ZNF75D: variants seen among roughly 807,000 people sequenced by gnomAD.
ZNF75D encodes zinc finger protein 75D.
ZNF75D carries 33 observed loss-of-function variants against 33.3 expected under a neutral mutation model. The observed-to-expected ratio is 0.99, with a 90% CI of 0.75 to 1.32. ZNF75D has a LOEUF of 1.32. Ranked by LOEUF, ZNF75D falls within the 40% of genes most tolerant of loss-of-function variation. ZNF75D has a pLI of 0.00. For missense variants in ZNF75D, 338 were observed against 367.5 expected (o/e 0.92, Z 0.66); for synonymous variants, 113 against 130.6 (o/e 0.87, Z 0.92).
chrX:135,279,177 G>T (rs1556418093), intron 1 of ZNF75D, among the ~76,000 whole-genome samples: 3 of 111,849 alleles, frequency 2.7e-5, no homozygotes, highest in East Asian at 5.6e-4. Context: ...CTTGTTATTG[G>T]TCTATTCAGG....
At chrX:135,265,348 C>T (rs1371905384) in intron 1 of ZNF75D, among the ~76,000 whole-genome samples, 5 of 111,199 alleles carry the variant, frequency 4.5e-5, no homozygotes, top group Non-Finnish European at 5.7e-5. Flanking sequence ...CATCCAAGTA[C>T]AAGAAGGCTA....
intron 1 of ZNF75D, among the ~76,000 whole-genome samples, chrX:135,325,841 C>T (rs1305528029): frequency 3.5e-5 from 4 of 112,771 alleles, no homozygotes; most frequent in South Asian, 7.3e-4. Flanking sequence ...GGAGTGCGAG[C>T]GCATCGCGTG....
chrX:135,282,455 C>T (rs1556418674), downstream of ZNF75D, among the ~76,000 whole-genome samples: 1 of 111,461 alleles, frequency 9.0e-6, no homozygotes, highest in African/African-American at 3.3e-5. Flanking sequence ...ATGAGCTAGT[C>T]CACTTGGCTC....
intron 1 of ZNF75D, among the ~76,000 whole-genome samples, chrX:135,325,638 C>A (rs782233973): frequency 2.7e-5 from 3 of 112,604 alleles, no homozygotes; most frequent in African/African-American, 9.6e-5. Context: ...CCCAGCAGCG[C>A]CAGCCCACCG....
intron 1 of ZNF75D, among the ~76,000 whole-genome samples, chrX:135,270,856 C>A (rs1392913486): frequency 1.8e-5 from 2 of 111,965 alleles, no homozygotes; most frequent in Non-Finnish European, 3.8e-5. Context: ...GATAATGGAA[C>A]CGTGAATATG....
At chrX:135,262,281 T>C (rs782608394) in intron 1 of ZNF75D, among the ~76,000 whole-genome samples, 2 of 111,678 alleles carry the variant, frequency 1.8e-5, no homozygotes, top group South Asian at 3.8e-4. Context: ...TTGGGGTTGC[T>C]CTTCTCCTGG....
chrX:135,340,084 A>G (rs1556444202), intron 1 of ZNF75D, among the ~76,000 whole-genome samples: 1 of 112,577 alleles, frequency 8.9e-6, no homozygotes, highest in African/African-American at 3.2e-5. Context: ...CTAAAGCGTT[A>G]TTCTTTCTTT....
chrX:135,289,283 G>A (rs1297356205), intron 6 of ZNF75D, among the ~76,000 whole-genome samples: 4 of 112,213 alleles, frequency 3.6e-5, no homozygotes, highest in South Asian at 3.7e-4. Context: ...GGCTTCACCC[G>A]CTATTGCAGA....
At chrX:135,299,018 G>T (rs962497942) in intron 1 of ZNF75D, among the ~76,000 whole-genome samples, 1 of 111,469 alleles carries the variant, frequency 9.0e-6, no homozygotes, top group Admixed American at 9.5e-5. Flanking sequence ...ATGACATTTT[G>T]TTTATCCATT....
At chrX:135,277,174 G>A (rs1478790220) in intron 1 of ZNF75D, among the ~76,000 whole-genome samples, 4 of 111,720 alleles carry the variant, frequency 3.6e-5, no homozygotes, top group Non-Finnish European at 7.5e-5. Context: ...TCTTTTTAAT[G>A]GCTGCCATTC....
downstream of ZNF75D, among the ~76,000 whole-genome samples, chrX:135,283,993 C>T (rs2083930776): frequency 9.0e-6 from 1 of 111,712 alleles, no homozygotes; most frequent in South Asian, 3.8e-4. Flanking sequence ...GCCTGCTAAA[C>T]TCTGCTCTCC....
At chrX:135,317,672 G>A (rs1319727160) in intron 1 of ZNF75D, among the ~76,000 whole-genome samples, 2 of 110,568 alleles carry the variant, frequency 1.8e-5, no homozygotes, top group Non-Finnish European at 3.8e-5. Flanking sequence ...CAGCTGGGTG[G>A]GTAAGAACAA....
intron 1 of ZNF75D, among the ~76,000 whole-genome samples, chrX:135,312,590 TTG>T (rs1389830518): frequency 9.0e-6 from 1 of 111,425 alleles, no homozygotes; most frequent in Non-Finnish European, 1.9e-5. Flanking sequence ...TTCATTGTGT[TTG>T]TACTAATTTC....
rs1133827 is a variant in ZNF75D, at chrX:135,249,210, T to C, written n.1388A>G. Reference sequence around the variant, plus strand: ...CATCCACCTTCCTCCTGATGCTCCATGCAGATGTGCTGGGACCTACTTCAG... The same window carrying C: ...CATCCACCTTCCTCCTGATGCTCCACGCAGATGTGCTGGGACCTACTTCAG... On this transcript the variant is annotated non_coding_transcript_exon_variant, in exon 4 of 4. Transcript: ENST00000494295. 2,249 of 306,817 alleles carry C rather than the reference T, an allele frequency of 7.3e-3. 72 individuals are homozygous for C. The highest frequency in any genetic ancestry group is 0.018 in the South Asian group (642 of 35,510). The allele number at this position is 306,817 out of a possible 1,213,427, so 25.3% of individuals were successfully genotyped here.
intron 1 of ZNF75D, among the ~76,000 whole-genome samples, chrX:135,323,265 G>T (rs184092953): frequency 1.1e-4 from 12 of 111,997 alleles, no homozygotes; most frequent in Non-Finnish European, 1.7e-4. Flanking sequence ...GGCAATGATT[G>T]CTTTACTGGG....
intron 1 of ZNF75D, among the ~76,000 whole-genome samples, chrX:135,279,110 G>T (rs1026470043): frequency 9.0e-6 from 1 of 111,704 alleles, no homozygotes; most frequent in African/African-American, 3.2e-5. Context: ...CTGTGAATCT[G>T]TCTGGTCCTG....
At chrX:135,330,907 TA>T (rs1306645767) in intron 1 of ZNF75D, among the ~76,000 whole-genome samples, 4 of 111,448 alleles carry the variant, frequency 3.6e-5, no homozygotes, top group African/African-American at 1.3e-4. Context: ...TCTTCCACCA[TA>T]AATCTTTCTT....
intron 1 of ZNF75D, among the ~76,000 whole-genome samples, chrX:135,306,915 G>A (rs1461067736): frequency 5.4e-5 from 6 of 111,218 alleles, no homozygotes; most frequent in African/African-American, 2.0e-4. Context: ...GTCTCCGTAT[G>A]TTACCCAGAC....
At chrX:135,320,778 C>A (rs782384883) in intron 1 of ZNF75D, among the ~76,000 whole-genome samples, 1 of 111,418 alleles carries the variant, frequency 9.0e-6, no homozygotes, top group East Asian at 2.8e-4. Flanking sequence ...CCATTTGTTA[C>A]GATGTACAAT....
Sources: gnomAD v4.1 joint callset for allele counts (sites outside exome capture counted in the v4.1 genomes callset) on GRCh38, gnomAD v4.1.1 for gene constraint, MANE v1.5 for transcripts, NCBI Gene and HGNC (gene_info 2026-07-23, HGNC 2026-07-21) for gene names.